The following RALYL variants were observed in gnomAD, a reference collection of about 807,000 sequenced individuals.
RALYL encodes the protein RNA-binding Raly-like protein.
In RALYL, 29 loss-of-function variants were observed where a neutral mutation model predicts 35.1. The observed-to-expected ratio is 0.83, with a 90% CI of 0.61 to 1.13. RALYL has a LOEUF of 1.13. Among genes scored for constraint, RALYL ranks in the 50% most tolerant of loss-of-function variants. The probability of loss-of-function intolerance (pLI) is 0.00; values close to 1 mark genes in which losing one functional copy is unlikely to be tolerated. For synonymous variants in RALYL, 120 were observed against 127.6 expected (o/e 0.94, Z 0.40); for missense variants, 359 against 360.4 (o/e 1.00, Z 0.03).
chr8:84,252,652 G>T (rs1005962456), intron 1 of RALYL, among the ~76,000 whole-genome samples: 2 of 152,090 alleles, frequency 1.3e-5, no homozygotes, highest in East Asian at 3.9e-4. Context: ...ATCATTTAGT[G>T]GTGAAGAGAA....
At chr8:84,758,414 A>T (rs1053192639) in intron 2 of RALYL, among the ~76,000 whole-genome samples, 1 of 152,154 alleles carries the variant, frequency 6.6e-6, no homozygotes, top group African/African-American at 2.4e-5. Flanking sequence ...AAAACAACAA[A>T]CATTTATTAT....
chr8:84,204,262 TGA>T (rs1225218790), intron 1 of RALYL, among the ~76,000 whole-genome samples: 1 of 150,610 alleles, frequency 6.6e-6, no homozygotes, highest in Non-Finnish European at 1.5e-5. Flanking sequence ...AAAAAAAAAA[TGA>T]GAGGAAGAGC....
At chr8:84,864,761 A>C in intron 6 of RALYL, 1 of 605,264 alleles carries the variant, frequency 1.7e-6, no homozygotes, top group Non-Finnish European at 3.1e-6. Flanking sequence ...CATGGTAGAA[A>C]ACAGGGGCCC....
intron 7 of RALYL, among the ~76,000 whole-genome samples, chr8:84,880,981 G>C: frequency 6.6e-6 from 1 of 151,616 alleles, no homozygotes; most frequent in East Asian, 1.9e-4. Context: ...GGTTTTATAA[G>C]GATTATATAA....
intron 1 of RALYL, among the ~76,000 whole-genome samples, chr8:84,475,188 G>T (rs1416125541): frequency 3.3e-5 from 5 of 151,610 alleles, no homozygotes; most frequent in Non-Finnish European, 5.9e-5. Context: ...GTGATAGTTT[G>T]CTCAGAATGA....
chr8:84,511,704 C>G (rs1416785249), intron 1 of RALYL, among the ~76,000 whole-genome samples: 2 of 152,134 alleles, frequency 1.3e-5, no homozygotes, highest in African/African-American at 2.4e-5. Context: ...TCACCTCTCC[C>G]CATACCCACA....
intron 1 of RALYL, among the ~76,000 whole-genome samples, chr8:84,332,427 A>AT (rs1427711249): frequency 6.6e-6 from 1 of 152,124 alleles, no homozygotes; most frequent in Non-Finnish European, 1.5e-5. Flanking sequence ...ATATATGCAT[A>AT]TACAAGTTCT....
chr8:84,799,203 G>A (rs1476779277), intron 3 of RALYL, among the ~76,000 whole-genome samples: 1 of 151,906 alleles, frequency 6.6e-6, no homozygotes, highest in Non-Finnish European at 1.5e-5. Flanking sequence ...CAGTCTTAGG[G>A]GGAGCTTGGC....
intron 2 of RALYL, among the ~76,000 whole-genome samples, chr8:84,680,678 C>G (rs547042172): frequency 0.015 from 2,312 of 152,148 alleles, 30 homozygotes; most frequent in Middle Eastern, 0.027. Context: ...TATCCTTCGC[C>G]CACTTGTTGA....
At chr8:84,608,879 C>T (rs750451809) in intron 2 of RALYL, among the ~76,000 whole-genome samples, 11 of 152,186 alleles carry the variant, frequency 7.2e-5, no homozygotes, top group East Asian at 1.9e-4. Flanking sequence ...TCTGGGATTA[C>T]GATGCTGCAT....
chr8:84,418,651 A>G (rs73306320), intron 1 of RALYL, among the ~76,000 whole-genome samples: 1 of 152,148 alleles, frequency 6.6e-6, no homozygotes, highest in South Asian at 2.1e-4. Flanking sequence ...AAAAAAGAAA[A>G]GAATCATTCC....
At chr8:84,288,415 A>G (rs559011776) in intron 1 of RALYL, among the ~76,000 whole-genome samples, 1 of 152,152 alleles carries the variant, frequency 6.6e-6, no homozygotes, top group Non-Finnish European at 1.5e-5. Context: ...AGTTGTATCT[A>G]TTCAAACTGT....
At chr8:84,218,511 A>G (rs1393914263) in intron 1 of RALYL, among the ~76,000 whole-genome samples, 3 of 152,096 alleles carry the variant, frequency 2.0e-5, no homozygotes, top group Admixed American at 6.6e-5. Flanking sequence ...TACATGAAAT[A>G]GGGTAATTTT....
intron 2 of RALYL, among the ~76,000 whole-genome samples, chr8:84,626,476 A>G (rs903436756): frequency 1.3e-5 from 2 of 152,182 alleles, no homozygotes; most frequent in African/African-American, 4.8e-5. Context: ...AATCCAGTCA[A>G]ACACTAGCTG....
chr8:84,372,953 G>C (rs945858927), intron 1 of RALYL, among the ~76,000 whole-genome samples: 1 of 123,836 alleles, frequency 8.1e-6, no homozygotes, highest in African/African-American at 3.3e-5. Context: ...TTGTGAGATG[G>C]TATCTCATTG....
At chr8:84,904,552 C>G (rs1846174441) in intron 8 of RALYL, among the ~76,000 whole-genome samples, 1 of 152,044 alleles carries the variant, frequency 6.6e-6, no homozygotes, top group Non-Finnish European at 1.5e-5. Flanking sequence ...GTATGCTTAA[C>G]CAAACCTATT....
intron 2 of RALYL, among the ~76,000 whole-genome samples, chr8:84,620,422 C>T (rs188406996): frequency 2.6e-5 from 4 of 152,040 alleles, no homozygotes; most frequent in South Asian, 2.1e-4. Flanking sequence ...ACGTAGTTCT[C>T]GAGCCTTGGT....
chr8:84,879,687 CGCT>C (rs1367391637), intron 7 of RALYL, among the ~76,000 whole-genome samples: 2 of 152,024 alleles, frequency 1.3e-5, no homozygotes, highest in African/African-American at 4.8e-5. Flanking sequence ...AGGAACAAAA[CGCT>C]GCTGTTTTCC....
At chr8:84,478,969 C>T (rs2053747919) in intron 1 of RALYL, among the ~76,000 whole-genome samples, 1 of 144,140 alleles carries the variant, frequency 6.9e-6, no homozygotes, top group African/African-American at 2.5e-5. Flanking sequence ...GCCTATAGTC[C>T]CAGCTACTCG....
Sources: allele counts gnomAD v4.1 joint callset (sites outside exome capture counted in the v4.1 genomes callset), GRCh38; gene constraint gnomAD v4.1.1; transcripts MANE v1.5; gene names NCBI Gene and HGNC (gene_info 2026-07-23, HGNC 2026-07-21).